LRIG2: variants seen among roughly 807,000 people sequenced by gnomAD.
LRIG2 encodes the protein leucine-rich repeats and immunoglobulin-like domains protein 2.
In LRIG2, 93 loss-of-function variants were observed where a neutral mutation model predicts 107.8. The observed-to-expected ratio is 0.86, with a 90% confidence interval of 0.73 to 1.03. The LOEUF (loss-of-function observed/expected upper bound fraction) is 1.03, where lower values mean the gene tolerates loss of function less well. Among genes scored for constraint, LRIG2 ranks in the 50% least tolerant of loss-of-function variants. The pLI, the probability that LRIG2 is intolerant of heterozygous loss-of-function variation, is 0.00. For synonymous variants in LRIG2, 471 were observed against 470.6 expected (o/e 1.00, Z -0.01); for missense variants, 1,226 against 1,296.0 (o/e 0.95, Z 0.83).
intron 15 of LRIG2, among the ~76,000 whole-genome samples, chr1:113,115,965 G>C (rs932641540): frequency 1.3e-5 from 2 of 152,128 alleles, no homozygotes; most frequent in Admixed American, 6.5e-5. Context: ...TATCAAACTG[G>C]ATCATTGAGG....
rs2101034515 is a variant in LRIG2 at position 113,093,487 on chromosome 1, G to T, written c.438G>T (p.Leu146=). ...NAQALQFYPA[L]ESLDLSSNII... ...AGGCACTCCAGTTTTACCCTGCTCT[G>T]GAGAGTTTAGACCTCAGCTCAAATA... The change falls in exon 4 of 18, where the codon CTG becomes CTT. Residue 146 remains leucine (L), a synonymous_variant. Coordinates refer to ENST00000361127, the MANE Select transcript of LRIG2 (RefSeq NM_014813.3). 2 of 1,612,888 alleles carry T rather than the reference G, an allele frequency of 1.2e-6. No homozygotes were observed. The highest frequency in any genetic ancestry group is 3.3e-4 in the Middle Eastern group (2 of 6,054).
chr1:113,079,637 C>A (rs984053958), intron 1 of LRIG2, among the ~76,000 whole-genome samples: 5 of 145,708 alleles, frequency 3.4e-5, no homozygotes, highest in African/African-American at 1.3e-4. Flanking sequence ...GAGCTGAGAC[C>A]ACTGCACTCT....
chr1:113,114,665 G>A lies in LRIG2; in HGVS notation c.2319G>A (p.Gly773=). The part of the protein sequence containing the change: ...KYTCIMSNTL[G]TERGHIYLNV... ...CCTGCATTATGTCTAACACCCTTGG[G>A]ACAGAACGTGGCCACATTTACCTAA... The change falls in exon 15 of 18, where the codon GGG becomes GGA. Residue 773 remains glycine, a synonymous_variant. Transcript: ENST00000361127. 3 of 1,614,068 alleles carry A rather than the reference G, an allele frequency of 1.9e-6. No homozygotes were observed. Among genetic ancestry groups the A allele is most frequent in the Non-Finnish European group, 2.5e-6 (3 of 1,180,018 alleles).
intron 1 of LRIG2, among the ~76,000 whole-genome samples, chr1:113,079,139 G>A (rs1053265161): frequency 6.6e-5 from 10 of 151,742 alleles, no homozygotes; most frequent in African/African-American, 2.4e-4. Flanking sequence ...GAGCCTAGGA[G>A]TTCAAGATTA....
chr1:113,112,687 T>C lies in LRIG2; in HGVS notation c.2007T>C (p.Asp669=). 6.2e-7 allele frequency: 1 copy of C among 1,613,880 alleles called. No homozygotes were observed. Among genetic ancestry groups the C allele is most frequent in the East Asian group, 2.2e-5 (1 of 44,866 alleles). Residue 669 remains aspartate, a synonymous_variant, in exon 14 of 18, where the codon GAT becomes GAC. Transcript: ENST00000361127. ...TTATTGCCAATGTGAAAATAGAAGA[T>C]ATGGGAATCTATAGCTGCATGGCAC... ...VFFIANVKIE[D]MGIYSCMAQN...
At chr1:113,077,286 T>G (rs1023088380) in intron 1 of LRIG2, among the ~76,000 whole-genome samples, 2 of 152,026 alleles carry the variant, frequency 1.3e-5, no homozygotes, top group Admixed American at 1.3e-4. Context: ...GGATTATAGG[T>G]GCCCTCCACC....
rs1655656807 is a variant in LRIG2, at chr1:113,130,297, G to A, written c.*6196G>A. 6.6e-6 allele frequency: 1 copy of A among 152,180 alleles called. No homozygotes were observed. The highest frequency in any genetic ancestry group is 2.1e-4 in the South Asian group (1 of 4,832). The allele number at this position is 152,180 out of a possible 1,614,324, so 9.4% of individuals were successfully genotyped here. Reference sequence around the variant, plus strand: ...AGAATAACTTTCATGTTTAAAAACAGCTGTCTTCACATTGCCCATTGTGAG... The same window carrying A: ...AGAATAACTTTCATGTTTAAAAACAACTGTCTTCACATTGCCCATTGTGAG... On this transcript the variant is annotated 3_prime_UTR_variant, in exon 18 of 18. Transcript: ENST00000361127.
At chr1:113,096,177 A>T in intron 7 of LRIG2, 45 bp from the exon 8 acceptor site, 1 of 1,599,740 alleles carries the variant, frequency 6.3e-7, no homozygotes, top group South Asian at 1.1e-5. Context: ...TGTAAGTTGA[A>T]CCAAATACAA....
intron 8 of LRIG2, among the ~76,000 whole-genome samples, chr1:113,097,425 A>G (rs1050346778): frequency 3.0e-5 from 1 of 32,892 alleles, no homozygotes; most frequent in Non-Finnish European, 4.1e-4. Flanking sequence ...AAAACAAGAT[A>G]ATTTTGTGAA....
intron 11 of LRIG2, among the ~76,000 whole-genome samples, chr1:113,105,388 C>A (rs776922641): frequency 6.6e-6 from 1 of 152,092 alleles, no homozygotes; most frequent in Non-Finnish European, 1.5e-5. Context: ...GAGGAGCTTT[C>A]TCTCCCTCTT....
rs1394630923 is a variant in LRIG2 at position 113,125,239 on chromosome 1, G to A, written c.*1138G>A. 6.6e-6 allele frequency: 1 copy of A among 152,180 alleles called. No individual in the cohort carries two copies. The highest frequency in any genetic ancestry group is 1.5e-5 in the Non-Finnish European group (1 of 68,032). The allele number at this position is 152,180 out of a possible 1,614,324, so 9.4% of individuals were successfully genotyped here. On this transcript the variant is annotated 3_prime_UTR_variant, in exon 18 of 18. Coordinates refer to ENST00000361127, the MANE Select transcript of LRIG2 (RefSeq NM_014813.3). Reference sequence around the variant, plus strand: ...GTGTATCTATAGAGGCAGCTACTTAGTGATTGTATACACATAAACACAGTC... The same window carrying A: ...GTGTATCTATAGAGGCAGCTACTTAATGATTGTATACACATAAACACAGTC...
At position 113,124,080 on chromosome 1, in the gene LRIG2, A is replaced by C. The variant is rs774998967; in HGVS notation, c.3177A>C (p.Gln1059His). 1 of 1,614,194 alleles carries C rather than the reference A, an allele frequency of 6.2e-7. No individual in the cohort carries two copies. The highest frequency in any genetic ancestry group is 8.5e-7 in the Non-Finnish European group (1 of 1,180,022). The stretch of plus-strand genomic sequence containing the variant: ...ATTTTAGTAGGACTCGGAACATTCA[A>C]GATGGTAGTGAGGGCACATGAAACT... Reference protein sequence around the residue: ...AFDFSRTRNIQDGSEGT With the variant: ...AFDFSRTRNIHDGSEGT The change falls in exon 18 of 18, where the codon CAA becomes CAC. Residue 1059 changes from glutamine (Q) to histidine (H), a missense_variant. Physicochemically the swap from Gln to His is conservative, Grantham distance 24. Transcript: ENST00000361127.
intron 12 of LRIG2, 130 bp downstream of exon 12, chr1:113,107,887 G>C: frequency 1.3e-6 from 1 of 764,674 alleles, no homozygotes. Flanking sequence ...CATTAAAAAT[G>C]ATCACAGGCA....
rs553658954 is a variant in LRIG2 at position 113,086,139 on chromosome 1, G to C, written c.240-5179G>C. Reference sequence around the variant, plus strand: ...CCTATCTCAGCCTCTGAGTAGCTGGGATTACAGCCACACGCCACCACACCT... The same window carrying C: ...CCTATCTCAGCCTCTGAGTAGCTGGCATTACAGCCACACGCCACCACACCT... On this transcript the variant is annotated intron_variant, in intron 1 of 17. Transcript: ENST00000361127. Among the ~76,000 whole-genome samples, 3 of 151,238 alleles carry C rather than the reference G, an allele frequency of 2.0e-5. No individual in the cohort carries two copies. The South Asian group carries it at 6.3e-4, about 32-fold the overall frequency.
intron 6 of LRIG2, among the ~76,000 whole-genome samples, chr1:113,095,659 G>A (rs1053575166): frequency 2.4e-4 from 37 of 151,876 alleles, no homozygotes; most frequent in African/African-American, 7.3e-4. Flanking sequence ...CGCCCACCTC[G>A]GCCTCCCAAA....
chr1:113,098,380 C>A (rs947157730), intron 8 of LRIG2, among the ~76,000 whole-genome samples: 2 of 152,152 alleles, frequency 1.3e-5, no homozygotes, highest in Non-Finnish European at 2.9e-5. Flanking sequence ...CTTTTCAGGA[C>A]CCTGTTTATA....
At chr1:113,094,927 C>G (rs1194698209) in intron 6 of LRIG2, among the ~76,000 whole-genome samples, 172 bp downstream of exon 6, 1 of 151,382 alleles carries the variant, frequency 6.6e-6, no homozygotes, top group Non-Finnish European at 1.5e-5. Flanking sequence ...GCTAACTGAT[C>G]AATTTTGAAA....
chr1:113,102,174 A>G (rs1468718454), intron 11 of LRIG2, among the ~76,000 whole-genome samples: 1 of 152,250 alleles, frequency 6.6e-6, no homozygotes, highest in African/African-American at 2.4e-5. Flanking sequence ...TTAGAGAGTT[A>G]AGCAGAGTAG....
rs1655657759 is a variant in LRIG2, at chr1:113,130,333, GAAGTT to G, written c.*6236_*6240del. 3 of 152,220 alleles carry G rather than the reference GAAGTT, an allele frequency of 2.0e-5. No individual in the cohort carries two copies. Among genetic ancestry groups the G allele is most frequent in the Admixed American group, 1.3e-4 (2 of 15,280 alleles). The allele number at this position is 152,220 out of a possible 1,614,324, so 9.4% of individuals were successfully genotyped here. ...ATTGCCCATTGTGAGGTTGTAAAAG[GAAGTT>G]AAGATGTCAAGCAATTTAGATTCTG... is the stretch of plus-strand genomic sequence containing the variant. On this transcript the variant is annotated 3_prime_UTR_variant, in exon 18 of 18. Transcript: ENST00000361127.
Sources: allele counts gnomAD v4.1 joint callset (sites outside exome capture counted in the v4.1 genomes callset), GRCh38; gene constraint gnomAD v4.1.1; transcripts MANE v1.5; gene names NCBI Gene and HGNC (gene_info 2026-07-23, HGNC 2026-07-21).